Variants in ITK observed in about 807,000 individuals in gnomAD.
The protein encoded by ITK is IL2 inducible T cell kinase, also known as tyrosine-protein kinase ITK/TSK.
Under a neutral mutation model 87.6 loss-of-function variants are expected in ITK, and 45 were observed. The ratio of observed to expected loss-of-function variants is 0.51; its 90% CI spans 0.40 to 0.66. The LOEUF is 0.66. Among genes scored for constraint, ITK ranks in the 30% least tolerant of loss-of-function variants. ITK has a pLI of 0.00. For synonymous variants in ITK, 303 were observed against 273.6 expected (o/e 1.11, Z -1.06); for missense variants, 605 against 766.3 (o/e 0.79, Z 2.48).
In ITK at chr5:157,238,195, T is replaced by C. The variant is rs1341979290; in HGVS notation, c.851+4T>C. 2 of 1,607,892 alleles carry C rather than the reference T, an allele frequency of 1.2e-6. No homozygotes were observed. The highest frequency in any genetic ancestry group is 1.3e-5 in the African/African-American group (1 of 74,906). On this transcript the variant is annotated splice_donor_region_variant and intron_variant, in intron 9 of 16. Transcript: ENST00000422843. ...TTTTCACCAAGGCTGTTGTAAGGTA[T>C]GGAGCTAACTCTGCTCAGCAAAGTG...
chr5:157,217,920 G>A lies in ITK; in HGVS notation c.495+13G>A, dbSNP rs758914452. On this transcript the variant is annotated intron_variant, in intron 5 of 16. Coordinates refer to ENST00000422843, the MANE Select transcript of ITK (RefSeq NM_005546.4). The stretch of plus-strand genomic sequence containing the variant: ...TGAAGACAACAGGGTGAGTGAGAGC[G>A]CTAGCTCCGGGTGCAGGTGGGCCCA... The A allele has an allele frequency of 5.1e-5, 82 of 1,612,102 alleles. No homozygotes were observed. Among genetic ancestry groups the A allele is most frequent in the Non-Finnish European group, 6.6e-5 (78 of 1,178,358 alleles).
At chr5:157,187,644 T>C (rs553844349) in intron 1 of ITK, among the ~76,000 whole-genome samples, 2 of 152,270 alleles carry the variant, frequency 1.3e-5, no homozygotes, top group African/African-American at 4.8e-5. Flanking sequence ...GAATTTTAAG[T>C]GCTGGGTCAG....
chr5:157,254,060 C>T lies in ITK; in HGVS notation c.*1382C>T, dbSNP rs1755203810. The T allele has an allele frequency of 4.4e-6, 1 of 226,674 alleles. No homozygotes were observed. The highest frequency in any genetic ancestry group is 2.2e-5 in the African/African-American group (1 of 44,974). The allele number at this position is 226,674 out of a possible 1,614,324, so 14.0% of individuals were successfully genotyped here. A position where few individuals can be genotyped will look rare whatever the true frequency, so the allele number is the denominator to read the frequency against. Reference sequence around the variant, plus strand: ...GAAAGTCTAGAGCTGGTATTCTAGCCCAAATCTGTCTGACCGCAATACACA... The same window carrying T: ...GAAAGTCTAGAGCTGGTATTCTAGCTCAAATCTGTCTGACCGCAATACACA... On this transcript the variant is annotated 3_prime_UTR_variant, in exon 17 of 17. Coordinates refer to ENST00000422843, the MANE Select transcript of ITK (RefSeq NM_005546.4).
chr5:157,185,683 A>AC lies in ITK; in HGVS notation c.138+4568_138+4569insC, dbSNP rs59585425. ...CAACATGGTGAGACTCCGTCTCCAC[A>AC]AAAAAAAAAAAAAAGCCAGATGTGG... On this transcript the variant is annotated intron_variant, in intron 1 of 16. Transcript: ENST00000422843. 4.4e-3 allele frequency among the ~76,000 whole-genome samples: 462 copies of AC among 106,002 alleles called. 2 individuals carry two copies. The highest frequency in any genetic ancestry group is 0.014 in the African/African-American group (452 of 32,492). 69.5% of individuals were successfully genotyped at this position (106,002 alleles called of 152,430 possible). A position where few individuals can be genotyped will look rare whatever the true frequency, so the allele number is the denominator to read the frequency against.
intron 8 of ITK, among the ~76,000 whole-genome samples, chr5:157,235,134 G>T (rs1015059095): frequency 6.6e-6 from 1 of 152,130 alleles, no homozygotes; most frequent in Non-Finnish European, 1.5e-5. Context: ...TACACTGAAG[G>T]CTTAATAAAT....
In ITK at chr5:157,254,938, C is replaced by T; in HGVS notation, c.*2260C>T. The T allele has an allele frequency of 4.7e-6, 1 of 214,474 alleles. No homozygotes were observed. The highest frequency in any genetic ancestry group is 9.4e-6 in the Non-Finnish European group (1 of 106,210). 13.3% of individuals were successfully genotyped at this position (214,474 alleles called of 1,614,324 possible). On this transcript the variant is annotated 3_prime_UTR_variant, in exon 17 of 17. Coordinates refer to ENST00000422843, the MANE Select transcript of ITK (RefSeq NM_005546.4). ...TCTTCTCACATTTTTTAAATGGTCC[C>T]CTGTGTTTGTAGAGAACTCCCTTAT... is the stretch of plus-strand genomic sequence containing the variant.
intron 1 of ITK, among the ~76,000 whole-genome samples, chr5:157,202,330 C>T (rs1167622076): frequency 6.6e-6 from 1 of 152,180 alleles, no homozygotes; most frequent in Non-Finnish European, 1.5e-5. Context: ...TCTTGTGCCT[C>T]AGCCACCCAA....
chr5:157,253,767 G>T lies in ITK; in HGVS notation c.*1089G>T. The stretch of plus-strand genomic sequence containing the variant: ...CCAAGTCTCCTAAAATTCTAGGAGA[G>T]AAATAAAGAGTCTGTTTTTGCTCAA... On this transcript the variant is annotated 3_prime_UTR_variant, in exon 17 of 17. Transcript: ENST00000422843. 4.6e-6 allele frequency: 1 copy of T among 216,910 alleles called. No individual in the cohort carries two copies. The highest frequency in any genetic ancestry group is 9.3e-6 in the Non-Finnish European group (1 of 107,710). 13.4% of individuals were successfully genotyped at this position (216,910 alleles called of 1,614,324 possible). A position where few individuals can be genotyped will look rare whatever the true frequency, so the allele number is the denominator to read the frequency against.
intron 5 of ITK, 137 bp downstream of exon 5, chr5:157,218,044 C>A: frequency 2.4e-6 from 2 of 825,996 alleles, no homozygotes; most frequent in East Asian, 2.4e-5. Flanking sequence ...TTCAGCAGAA[C>A]TCAACACATT....
chr5:157,208,636 A>C (rs927961935), intron 1 of ITK, among the ~76,000 whole-genome samples: 3 of 152,214 alleles, frequency 2.0e-5, no homozygotes, highest in Non-Finnish European at 4.4e-5. Context: ...GCAGTGGGGT[A>C]CATGACCCCG....
chr5:157,238,009 C>T (rs1754811496), intron 8 of ITK, 100 bp from the exon 9 acceptor site: 4 of 825,064 alleles, frequency 4.8e-6, no homozygotes, highest in Non-Finnish European at 4.2e-6. Context: ...GCCAAGTGGG[C>T]CTACAGTATT....
chr5:157,198,416 T>C (rs545875378), intron 1 of ITK, among the ~76,000 whole-genome samples: 117 of 152,306 alleles, frequency 7.7e-4, no homozygotes, highest in African/African-American at 2.8e-3. Flanking sequence ...GAAATTGTTT[T>C]CCTCATAGCA....
At chr5:157,186,634 C>T (rs937974664) in intron 1 of ITK, among the ~76,000 whole-genome samples, 4 of 151,024 alleles carry the variant, frequency 2.6e-5, no homozygotes, top group East Asian at 2.0e-4. Context: ...CAAGATTGTG[C>T]GATTGCACTC....
At position 157,244,250 on chromosome 5, in the gene ITK, T is replaced by C; in HGVS notation, c.1233-12T>C. 6.2e-7 allele frequency: 1 copy of C among 1,612,730 alleles called. No individual in the cohort carries two copies. The highest frequency in any genetic ancestry group is 1.1e-5 in the South Asian group (1 of 91,058). ...AGTTTAGGCCATCTCACCCCTTGTC[T>C]TTTTCCTCCAGGAAACTCTCTCATC... is the stretch of plus-strand genomic sequence containing the variant. On this transcript the variant is annotated splice_polypyrimidine_tract_variant and intron_variant, in intron 12 of 16. Transcript: ENST00000422843.
At chr5:157,196,727 C>A (rs1561648636) in intron 1 of ITK, among the ~76,000 whole-genome samples, 1 of 152,140 alleles carries the variant, frequency 6.6e-6, no homozygotes, top group Non-Finnish European at 1.5e-5. Context: ...TTGAACATCG[C>A]CTCAGTGCAA....
At position 157,254,379 on chromosome 5, in the gene ITK, C is replaced by T. The variant is rs115820090; in HGVS notation, c.*1701C>T. The T allele has an allele frequency of 3.6e-3, 806 of 223,198 alleles. 12 individuals carry two copies. Among genetic ancestry groups the T allele is most frequent in the African/African-American group, 0.017 (740 of 44,848 alleles). The allele number at this position is 223,198 out of a possible 1,614,324, so 13.8% of individuals were successfully genotyped here. ...CATGTTGCTTGAAGCCATTTATAGA[C>T]GAGCTTCAAAGCAACTTTAAAAGAT... On this transcript the variant is annotated 3_prime_UTR_variant, in exon 17 of 17. Transcript: ENST00000422843.
At chr5:157,233,250 T>C (rs1251638188) in intron 8 of ITK, among the ~76,000 whole-genome samples, 1 of 152,222 alleles carries the variant, frequency 6.6e-6, no homozygotes, top group Non-Finnish European at 1.5e-5. Context: ...TGCCACTTTC[T>C]GCTCCTTGTC....
At chr5:157,238,701 C>T (rs1202572883) in intron 9 of ITK, among the ~76,000 whole-genome samples, 1 of 152,188 alleles carries the variant, frequency 6.6e-6, no homozygotes, top group African/African-American at 2.4e-5. Context: ...CTGATGGTGC[C>T]TCCCTATGGC....
chr5:157,216,744 G>A (rs1754306088), intron 4 of ITK, among the ~76,000 whole-genome samples: 1 of 152,174 alleles, frequency 6.6e-6, no homozygotes, highest in Admixed American at 6.5e-5. Flanking sequence ...TGAAGCCAGA[G>A]TTAGAACACC....
Sources: gnomAD v4.1 joint callset for allele counts (sites outside exome capture counted in the v4.1 genomes callset) on GRCh38, gnomAD v4.1.1 for gene constraint, MANE v1.5 for transcripts, NCBI Gene and HGNC (gene_info 2026-07-23, HGNC 2026-07-21) for gene names.